RBFOX1: variants seen among roughly 807,000 people sequenced by gnomAD.
RBFOX1 encodes RNA binding protein fox-1 homolog 1.
Under a neutral mutation model 57.7 loss-of-function variants are expected in RBFOX1, and 8 were observed. The ratio of observed to expected loss-of-function variants is 0.14; its 90% confidence interval spans 0.08 to 0.25. The LOEUF (loss-of-function observed/expected upper bound fraction) is 0.25. Among genes scored for constraint, RBFOX1 ranks in the 10% least tolerant of loss-of-function variants. The pLI, the probability that RBFOX1 is intolerant of heterozygous loss-of-function variation, is 1.00. For synonymous variants in RBFOX1, 326 were observed against 222.4 expected (o/e 1.47, Z -4.15); for missense variants, 611 against 548.5 (o/e 1.11, Z -1.14).
chr16:5,970,155 G>A (rs1336181936), intron 4 of RBFOX1, among the ~76,000 whole-genome samples: 1 of 152,078 alleles, frequency 6.6e-6, no homozygotes, highest in African/African-American at 2.4e-5. Context: ...CATAGAGGAG[G>A]GTAGCACAGG....
At chr16:5,800,010 A>G (rs954370217) in intron 3 of RBFOX1, among the ~76,000 whole-genome samples, 8 of 152,100 alleles carry the variant, frequency 5.3e-5, no homozygotes, top group Admixed American at 1.3e-4. Flanking sequence ...TGCATGTTCC[A>G]TTTCTCCTAT....
chr16:6,792,481 C>T (rs1176250362), intron 3 of RBFOX1, among the ~76,000 whole-genome samples: 1 of 152,018 alleles, frequency 6.6e-6, no homozygotes, highest in African/African-American at 2.4e-5. Context: ...GAGATGAATT[C>T]CATATTTTTG....
intron 1 of RBFOX1, among the ~76,000 whole-genome samples, chr16:6,043,441 C>T (rs146166920): frequency 5.3e-5 from 8 of 152,264 alleles, no homozygotes; most frequent in East Asian, 1.9e-4. Context: ...ATCTGTCATG[C>T]GATGCTATAT....
intron 3 of RBFOX1, among the ~76,000 whole-genome samples, chr16:6,863,669 T>C (rs1330884768): frequency 2.4e-5 from 1 of 41,428 alleles, no homozygotes; most frequent in Non-Finnish European, 3.8e-5. Flanking sequence ...TTTTTTTTCC[T>C]TAAAAAAAAA....
At chr16:5,546,028 A>G (rs2045188344) in intron 2 of RBFOX1, among the ~76,000 whole-genome samples, 1 of 152,198 alleles carries the variant, frequency 6.6e-6, no homozygotes, top group Non-Finnish European at 1.5e-5. Flanking sequence ...CTATATAATA[A>G]CAATAAAGAA....
intron 4 of RBFOX1, among the ~76,000 whole-genome samples, chr16:7,166,260 C>G (rs1223395114): frequency 1.4e-5 from 2 of 140,072 alleles, no homozygotes; most frequent in Non-Finnish European, 3.2e-5. Context: ...GTGATCCACC[C>G]TTGTCGGACT....
intron 3 of RBFOX1, among the ~76,000 whole-genome samples, chr16:5,742,143 C>G (rs1301304102): frequency 6.6e-6 from 1 of 151,994 alleles, no homozygotes; most frequent in Non-Finnish European, 1.5e-5. Context: ...TACATTTTTC[C>G]ATCATTTGGT....
At chr16:6,789,503 A>G (rs1316297614) in intron 3 of RBFOX1, among the ~76,000 whole-genome samples, 1 of 152,196 alleles carries the variant, frequency 6.6e-6, no homozygotes, top group Non-Finnish European at 1.5e-5. Flanking sequence ...TTTCATTCTC[A>G]GTTATTACCT....
At chr16:6,659,340 AG>A (rs777466383) in intron 3 of RBFOX1, among the ~76,000 whole-genome samples, 368 of 152,166 alleles carry the variant, frequency 2.4e-3, no homozygotes, top group Non-Finnish European at 4.1e-3. Context: ...AAGGAGTTTG[AG>A]TGGTTTTCCA....
chr16:7,159,719 G>T (rs1202607458), intron 4 of RBFOX1, among the ~76,000 whole-genome samples: 6 of 152,188 alleles, frequency 3.9e-5, no homozygotes, highest in African/African-American at 1.4e-4. Context: ...TGGCTAGTCT[G>T]TTGGATAGCC....
chr16:6,825,096 A>C (rs186471736), intron 3 of RBFOX1, among the ~76,000 whole-genome samples: 31 of 145,558 alleles, frequency 2.1e-4, no homozygotes, highest in African/African-American at 7.8e-4. Flanking sequence ...ACCCTGGTTC[A>C]AACAATTCTC....
intron 1 of RBFOX1, among the ~76,000 whole-genome samples, chr16:5,251,632 A>G (rs533798038): frequency 8.5e-5 from 13 of 152,298 alleles, no homozygotes; most frequent in African/African-American, 2.2e-4. Context: ...CAAAACTAGC[A>G]TTTGATGATA....
intron 2 of RBFOX1, among the ~76,000 whole-genome samples, chr16:5,496,229 C>A (rs1006150110): frequency 9.9e-5 from 15 of 152,202 alleles, no homozygotes; most frequent in Non-Finnish European, 2.2e-4. Context: ...TTCTTGAGTG[C>A]ATACTATTCC....
chr16:6,997,080 C>T (rs894203054), intron 3 of RBFOX1, among the ~76,000 whole-genome samples: 1 of 152,066 alleles, frequency 6.6e-6, no homozygotes. Context: ...ATAATAAAAG[C>T]AGGAAGTACC....
chr16:6,500,641 C>T (rs1008581771), intron 2 of RBFOX1, among the ~76,000 whole-genome samples: 6 of 152,122 alleles, frequency 3.9e-5, no homozygotes, highest in South Asian at 4.1e-4. Flanking sequence ...AGTACATGGA[C>T]TGTAACTACA....
chr16:7,139,056 G>A (rs1250386344), intron 4 of RBFOX1, among the ~76,000 whole-genome samples: 2 of 151,950 alleles, frequency 1.3e-5, no homozygotes, highest in African/African-American at 4.8e-5. Flanking sequence ...TGCCTTCCTT[G>A]CCCTCCCAAA....
intron 4 of RBFOX1, among the ~76,000 whole-genome samples, chr16:7,152,471 G>T (rs1207223039): frequency 4.6e-5 from 7 of 152,176 alleles, no homozygotes; most frequent in African/African-American, 1.7e-4. Context: ...CTCCATTAAA[G>T]ATTTTATTTC....
intron 4 of RBFOX1, among the ~76,000 whole-genome samples, chr16:7,411,608 G>T (rs1408768046): frequency 1.3e-5 from 2 of 152,146 alleles, no homozygotes; most frequent in East Asian, 3.9e-4. Flanking sequence ...GGTGATCAAA[G>T]ACGGGGAATG....
chr16:5,492,258 G>A (rs140960585), intron 2 of RBFOX1, among the ~76,000 whole-genome samples: 1 of 152,282 alleles, frequency 6.6e-6, no homozygotes, highest in African/African-American at 2.4e-5. Flanking sequence ...AAACCCACAG[G>A]TCACAGGTAC....
Sources: gnomAD v4.1 joint callset for allele counts (sites outside exome capture counted in the v4.1 genomes callset) on GRCh38, gnomAD v4.1.1 for gene constraint, MANE v1.5 for transcripts, NCBI Gene and HGNC (gene_info 2026-07-23, HGNC 2026-07-21) for gene names.